The following DENND4C variants were observed in gnomAD, a reference collection of about 807,000 sequenced individuals.
DENND4C encodes DENN domain-containing protein 4C.
In DENND4C, 108 loss-of-function variants were observed where a neutral mutation model predicts 203.0. The ratio of observed to expected loss-of-function variants is 0.53; its 90% CI spans 0.46 to 0.62. DENND4C has a LOEUF of 0.62. DENND4C is among the 20% of genes least tolerant of loss of function. DENND4C has a pLI of 0.00. For missense variants in DENND4C, 2,481 were observed against 2,301.2 expected, an observed-to-expected ratio of 1.08 and a Z score of -1.60; for synonymous variants, 871 against 792.4, an observed-to-expected ratio of 1.10 and a Z score of -1.67.
intron 1 of DENND4C, among the ~76,000 whole-genome samples, chr9:19,259,265 G>T (rs1828759114): frequency 6.6e-6 from 1 of 151,750 alleles, no homozygotes; most frequent in South Asian, 2.1e-4. Context: ...GCCCTTTGCA[G>T]CGTCTGATAG....
chr9:19,246,062 C>T (rs1016132457), intron 1 of DENND4C, among the ~76,000 whole-genome samples: 2 of 151,830 alleles, frequency 1.3e-5, no homozygotes, highest in African/African-American at 4.9e-5. Context: ...TCATTCTCCT[C>T]ATATATTCTC....
At chr9:19,292,462 A>T (rs547547515) in intron 5 of DENND4C, 1 of 152,298 alleles carries the variant, frequency 6.6e-6, no homozygotes, top group East Asian at 1.9e-4. Context: ...AAACTGATTT[A>T]TAAAGAAGAG....
At chr9:19,319,223 A>G (rs1377496920) in intron 12 of DENND4C, among the ~76,000 whole-genome samples, 1 of 147,240 alleles carries the variant, frequency 6.8e-6, no homozygotes, top group Non-Finnish European at 1.5e-5. Flanking sequence ...ATATATATAT[A>G]TACACATTTA....
chr9:19,302,999 C>CTT (rs57139336), intron 9 of DENND4C, among the ~76,000 whole-genome samples: 6 of 144,576 alleles, frequency 4.2e-5, no homozygotes, highest in Non-Finnish European at 9.1e-5. Flanking sequence ...TTTACTTTTC[C>CTT]TTTTTTTTTT....
chr9:19,286,698 CTATA>C (rs1564120399), intron 2 of DENND4C, 67 bp from the exon 3 acceptor site: 2 of 1,155,174 alleles, frequency 1.7e-6, no homozygotes, highest in East Asian at 6.4e-5. Flanking sequence ...AATGCATGTA[CTATA>C]TATATGTACA....
chr9:19,336,163 A>C, intron 18 of DENND4C, 107 bp from the exon 19 acceptor site: 4 of 943,898 alleles, frequency 4.2e-6, no homozygotes, highest in Non-Finnish European at 5.6e-6. Context: ...ATAACTTTTT[A>C]TATTTGTGTA....
At chr9:19,321,034 T>G (rs1842792230) in intron 12 of DENND4C, among the ~76,000 whole-genome samples, 1 of 152,258 alleles carries the variant, frequency 6.6e-6, no homozygotes, top group African/African-American at 2.4e-5. Context: ...TGCAGGATCT[T>G]TTAGGATTAG....
At chr9:19,265,909 A>G (rs1830398361) in intron 1 of DENND4C, among the ~76,000 whole-genome samples, 1 of 152,178 alleles carries the variant, frequency 6.6e-6, no homozygotes, top group Non-Finnish European at 1.5e-5. Flanking sequence ...TGCCACAGTA[A>G]ACATATGTGT....
Position 19,357,034 on chromosome 9 carries a change from A to G in DENND4C, c.4844A>G (p.Asn1615Ser), listed in dbSNP as rs1825588491. Residue 1615 changes from asparagine to serine, a missense_variant, in exon 27 of 33, where the codon AAT becomes AGT. By Grantham distance (46) the Asn-to-Ser change is conservative. This residue lies in a region of DENND4C where 2,289 missense variants were observed against 2,113.3 expected (regional missense o/e 1.08). Coordinates refer to ENST00000434457, the MANE Select transcript of DENND4C (RefSeq NM_001330640.2). ...SLQSGSIPLA[N>S]ESLEHKPVSS... is the part of the protein sequence containing the mutation. The stretch of plus-strand genomic sequence containing the variant: ...CAAAGTGGAAGCATTCCATTGGCAA[A>G]TGAATCCTTGGAGCACAAACCTGTA... The G allele has an allele frequency of 6.2e-7, 1 of 1,614,002 alleles. No homozygotes were observed. The highest frequency in any genetic ancestry group is 8.5e-7 in the Non-Finnish European group (1 of 1,179,912).
At chr9:19,336,966 A>G (rs909517570) in intron 20 of DENND4C, 134 bp downstream of exon 20, 1 of 856,142 alleles carries the variant, frequency 1.2e-6, no homozygotes, top group African/African-American at 1.7e-5. Flanking sequence ...CAAGAGAAAC[A>G]ATACGAGTCT....
chr9:19,234,950 CTTTT>C (rs71333102), intron 1 of DENND4C, among the ~76,000 whole-genome samples: 2 of 142,364 alleles, frequency 1.4e-5, no homozygotes, highest in African/African-American at 5.2e-5. Flanking sequence ...AGTCAACTTT[CTTTT>C]TTTTTTTTTT....
intron 1 of DENND4C, among the ~76,000 whole-genome samples, chr9:19,257,387 T>C (rs73425061): frequency 0.029 from 4,423 of 150,846 alleles, 212 homozygotes; most frequent in African/African-American, 0.099. Flanking sequence ...ACAACATATC[T>C]AGATTTGTGG....
At chr9:19,330,496 C>T (rs981411713) in intron 16 of DENND4C, among the ~76,000 whole-genome samples, 6 of 151,790 alleles carry the variant, frequency 4.0e-5, no homozygotes, top group African/African-American at 9.7e-5. Flanking sequence ...CCCACCAACA[C>T]GCCCAACTAA....
intron 3 of DENND4C, among the ~76,000 whole-genome samples, chr9:19,287,476 G>A (rs926328109): frequency 2.0e-5 from 3 of 150,940 alleles, no homozygotes; most frequent in Non-Finnish European, 4.4e-5. Context: ...CCCCCACCAG[G>A]CTCAAGTGAT....
At chr9:19,355,757 G>T (rs934386632) in intron 26 of DENND4C, among the ~76,000 whole-genome samples, 11 of 152,104 alleles carry the variant, frequency 7.2e-5, no homozygotes, top group Admixed American at 6.6e-5. Flanking sequence ...TGAATTCTTA[G>T]AATAAGTTTG....
chr9:19,242,735 A>C (rs1386569963), intron 1 of DENND4C, among the ~76,000 whole-genome samples: 1 of 151,672 alleles, frequency 6.6e-6, no homozygotes. Context: ...GGCTCACTGC[A>C]ACCTCTGCCT....
chr9:19,327,881 A>G (rs1818156234), intron 15 of DENND4C, 149 bp from the exon 16 acceptor site: 2 of 728,756 alleles, frequency 2.7e-6, no homozygotes, highest in African/African-American at 1.8e-5. Flanking sequence ...TATATCATTT[A>G]AAAATTTTGA....
intron 6 of DENND4C, among the ~76,000 whole-genome samples, chr9:19,297,667 C>A (rs1391013093): frequency 6.6e-6 from 1 of 152,022 alleles, no homozygotes; most frequent in Non-Finnish European, 1.5e-5. Context: ...GGTGGTTCAT[C>A]CAGTGTTAGA....
At chr9:19,290,979 T>TA in intron 5 of DENND4C, 103 bp downstream of exon 5, 1 of 1,215,950 alleles carries the variant, frequency 8.2e-7, no homozygotes, top group Non-Finnish European at 1.1e-6. Context: ...TTGGACATGA[T>TA]ACATTTTGGT....
Sources: gnomAD v4.1 joint callset for allele counts (sites outside exome capture counted in the v4.1 genomes callset) on GRCh38, gnomAD v4.1.1 for gene constraint, gnomAD v4.1.1 regional missense constraint, MANE v1.5 for transcripts, NCBI Gene and HGNC (gene_info 2026-07-23, HGNC 2026-07-21) for gene names.